Variants in ADGRG7 observed in about 807,000 individuals in gnomAD.
ADGRG7 encodes the protein adhesion G protein-coupled receptor G7.
In ADGRG7, 82 loss-of-function variants were observed where a neutral mutation model predicts 88.6. The ratio of observed to expected loss-of-function variants is 0.93; its 90% CI spans 0.77 to 1.11. ADGRG7 has a LOEUF of 1.11. ADGRG7 is among the 50% of genes most tolerant of loss of function. The pLI is 0.00. For missense variants in ADGRG7, 945 were observed against 953.4 expected, an observed-to-expected ratio of 0.99 and a Z score of 0.12; for synonymous variants, 381 against 345.2, an observed-to-expected ratio of 1.10 and a Z score of -1.15.
chr3:100,684,289 G>C (rs1165016234), intron 15 of ADGRG7, among the ~76,000 whole-genome samples: 1 of 25,692 alleles, frequency 3.9e-5, no homozygotes. Flanking sequence ...ATTGAGACAG[G>C]GTCTTTCTCT....
At chr3:100,694,648 C>A in intron 15 of ADGRG7, 96 bp from the exon 16 acceptor site, 2 of 1,143,736 alleles carry the variant, frequency 1.7e-6, no homozygotes, top group Non-Finnish European at 2.5e-6. Flanking sequence ...AAGTGCCGTG[C>A]AGATGAGAAG....
At chr3:100,612,565 C>T (rs1187951426) in intron 1 of ADGRG7, among the ~76,000 whole-genome samples, 1 of 152,144 alleles carries the variant, frequency 6.6e-6, no homozygotes, top group East Asian at 1.9e-4. Flanking sequence ...TGTGCTAAGC[C>T]TGATATAATC....
At chr3:100,624,251 T>C (rs1295042868) in intron 1 of ADGRG7, among the ~76,000 whole-genome samples, 1 of 152,224 alleles carries the variant, frequency 6.6e-6, no homozygotes, top group East Asian at 1.9e-4. Flanking sequence ...TGAAATGATA[T>C]CTCTTTGCGG....
intron 8 of ADGRG7, among the ~76,000 whole-genome samples, chr3:100,643,911 C>T (rs1707691589): frequency 6.6e-6 from 1 of 152,140 alleles, no homozygotes; most frequent in Admixed American, 6.5e-5. Context: ...CTACAAAAAT[C>T]TTGCTAAGGT....
At chr3:100,630,858 G>T in intron 3 of ADGRG7, 49 bp downstream of exon 3, 3 of 1,010,992 alleles carry the variant, frequency 3.0e-6, no homozygotes, top group Non-Finnish European at 4.2e-6. Context: ...TTACTATGCT[G>T]AGTCATACCT....
intron 6 of ADGRG7, among the ~76,000 whole-genome samples, chr3:100,637,795 G>T (rs1707570236): frequency 6.6e-6 from 1 of 152,224 alleles, no homozygotes. Context: ...CCCCCAAGCT[G>T]CACCTCACTT....
At chr3:100,679,472 T>C (rs927783612) in intron 15 of ADGRG7, among the ~76,000 whole-genome samples, 4 of 152,170 alleles carry the variant, frequency 2.6e-5, no homozygotes, top group African/African-American at 9.7e-5. Context: ...CCCAAGCTGA[T>C]TTTGGTTCTT....
Position 100,687,934 on chromosome 3 carries a change from A to T in ADGRG7, c.2137-6810A>T, listed in dbSNP as rs533741390. Among the ~76,000 whole-genome samples, 515 of 152,220 alleles carry T rather than the reference A, an allele frequency of 3.4e-3. 5 individuals carry two copies. Among genetic ancestry groups the T allele is most frequent in the Non-Finnish European group, 5.0e-3 (340 of 68,020 alleles). On this transcript the variant is annotated intron_variant, in intron 15 of 15. Coordinates refer to ENST00000273352, the MANE Select transcript of ADGRG7 (RefSeq NM_032787.3). Reference sequence around the variant, plus strand: ...ATTCCCTCTTTTTCTATTGATTGGAATAGTTTCAGAAGGAATGGTACCAGC... The same window carrying T: ...ATTCCCTCTTTTTCTATTGATTGGATTAGTTTCAGAAGGAATGGTACCAGC...
chr3:100,613,821 G>A (rs1225437772), intron 1 of ADGRG7, among the ~76,000 whole-genome samples: 1 of 152,110 alleles, frequency 6.6e-6, no homozygotes, highest in Non-Finnish European at 1.5e-5. Context: ...GGAATATAGT[G>A]GTTAAAATGG....
At chr3:100,670,742 T>A (rs1240307119) in intron 15 of ADGRG7, among the ~76,000 whole-genome samples, 1 of 152,076 alleles carries the variant, frequency 6.6e-6, no homozygotes, top group Non-Finnish European at 1.5e-5. Context: ...CCCCAGTGTG[T>A]GATGTTCCCC....
chr3:100,690,745 G>A (rs1255770137), intron 15 of ADGRG7, among the ~76,000 whole-genome samples: 1 of 152,198 alleles, frequency 6.6e-6, no homozygotes, highest in African/African-American at 2.4e-5. Flanking sequence ...TCTCAGAGGA[G>A]TACCCGGCCA....
At chr3:100,667,675 C>A (rs1490737225) in intron 14 of ADGRG7, among the ~76,000 whole-genome samples, 1 of 152,098 alleles carries the variant, frequency 6.6e-6, no homozygotes, top group Non-Finnish European at 1.5e-5. Context: ...GATTTATAAT[C>A]CTTTGGGCAT....
At chr3:100,625,069 GA>G (rs1186023633) in intron 1 of ADGRG7, among the ~76,000 whole-genome samples, 4 of 152,150 alleles carry the variant, frequency 2.6e-5, no homozygotes, top group African/African-American at 2.4e-5. Context: ...CTAATTCTGT[GA>G]AGAATGTCAA....
At chr3:100,689,550 G>C (rs970619953) in intron 15 of ADGRG7, among the ~76,000 whole-genome samples, 1 of 152,168 alleles carries the variant, frequency 6.6e-6, no homozygotes, top group Admixed American at 6.5e-5. Flanking sequence ...TCCTTCAGGA[G>C]CTCTTTTAGG....
chr3:100,655,439 T>G (rs1187780257), intron 12 of ADGRG7, among the ~76,000 whole-genome samples: 2 of 152,196 alleles, frequency 1.3e-5, no homozygotes, highest in Non-Finnish European at 2.9e-5. Flanking sequence ...TAACATCTCT[T>G]TTTATTAATT....
At chr3:100,652,177 A>C (rs990990542) in intron 11 of ADGRG7, among the ~76,000 whole-genome samples, 2 of 152,106 alleles carry the variant, frequency 1.3e-5, no homozygotes, top group Non-Finnish European at 2.9e-5. Flanking sequence ...CTGGTCATTA[A>C]ACCTCTCAAT....
chr3:100,673,525 G>C (rs1159137645), intron 15 of ADGRG7, among the ~76,000 whole-genome samples: 4 of 149,816 alleles, frequency 2.7e-5, no homozygotes, highest in Admixed American at 2.7e-4. Context: ...ACAATGGTGT[G>C]ATCTCAGCTC....
At chr3:100,669,268 C>T (rs1158653990) in intron 15 of ADGRG7, among the ~76,000 whole-genome samples, 163 bp downstream of exon 15, 1 of 151,964 alleles carries the variant, frequency 6.6e-6, no homozygotes, top group African/African-American at 2.4e-5. Context: ...GGGCGGATCA[C>T]GAGGTCAGGA....
rs754861171 is a variant in ADGRG7, at chr3:100,646,739, A to G, written c.1266+15A>G. On this transcript the variant is annotated intron_variant, in intron 10 of 15. Coordinates refer to ENST00000273352, the MANE Select transcript of ADGRG7 (RefSeq NM_032787.3). ...CTGTATTAATGGTAAGGATATACATAGCAATCTCTTTCCAGATGAGAATTT... is the reference window on the plus strand; with the variant it reads ...CTGTATTAATGGTAAGGATATACATGGCAATCTCTTTCCAGATGAGAATTT... The G allele has an allele frequency of 1.9e-6, 3 of 1,599,754 alleles. No homozygotes were observed. The highest frequency in any genetic ancestry group is 2.6e-6 in the Non-Finnish European group (3 of 1,170,398).
Sources: gnomAD v4.1 joint callset for allele counts (sites outside exome capture counted in the v4.1 genomes callset) on GRCh38, gnomAD v4.1.1 for gene constraint, MANE v1.5 for transcripts, NCBI Gene and HGNC (gene_info 2026-07-23, HGNC 2026-07-21) for gene names.